The following STAT2 variants were observed in gnomAD, a reference collection of about 807,000 sequenced individuals.
STAT2 encodes interferon alpha induced transcriptional activator.
A neutral mutation model predicts 122.3 loss-of-function variants in STAT2; 51 were observed. The observed-to-expected ratio is 0.42, with a 90% CI of 0.33 to 0.53. The LOEUF is 0.53. STAT2 is among the 20% of genes least tolerant of loss of function. The pLI is 0.10. For missense variants in STAT2, 736 were observed against 1,010.3 expected (o/e 0.73, Z 3.68); for synonymous variants, 351 against 394.9 (o/e 0.89, Z 1.32).
At position 56,346,617 on chromosome 12, in the gene STAT2, C is replaced by T. The variant is rs1415803322; in HGVS notation, c.1869G>A (p.Val623=). Residue 623 remains valine, a synonymous_variant, in exon 21 of 24, where the codon GTG becomes GTA. Coordinates refer to ENST00000314128, the MANE Select transcript of STAT2 (RefSeq NM_005419.4). ...SWVEHQDDDK[V]LIYSVQPYTK... The stretch of plus-strand genomic sequence containing the variant: ...TGTACGGTTGCACAGAGTAGATGAG[C>T]ACCTTGTCTGGAGAGTGAATGCAGG... 1.2e-6 allele frequency: 2 copies of T among 1,614,106 alleles called. No individual in the cohort carries two copies. Among genetic ancestry groups the T allele is most frequent in the African/African-American group, 2.7e-5 (2 of 75,040 alleles).
At position 56,350,900 on chromosome 12, in the gene STAT2, A is replaced by G. The variant is rs1438244638; in HGVS notation, c.1035-12T>C. ...GTCTCACCAGCAGCCTGGGGGAAGG[A>G]AGGGGGATAGGGGAAAGTGGTCAAC... On this transcript the variant is annotated splice_polypyrimidine_tract_variant and intron_variant, in intron 10 of 23. Coordinates refer to ENST00000314128, the MANE Select transcript of STAT2 (RefSeq NM_005419.4). 6.2e-7 allele frequency: 1 copy of G among 1,614,094 alleles called. No homozygotes were observed. The highest frequency in any genetic ancestry group is 2.2e-5 in the East Asian group (1 of 44,878).
At chr12:56,350,050 AAAAAAT>A (rs1878208812) in intron 13 of STAT2, 41 bp downstream of exon 13, 1 of 1,544,824 alleles carries the variant, frequency 6.5e-7, no homozygotes, top group African/African-American at 1.4e-5. Context: ...CTCCGTCTCA[AAAAAAT>A]AAAAATAGTA....
Position 56,343,243 on chromosome 12 carries a change from C to A in STAT2, c.*146G>T. 1 of 1,105,424 alleles carries A rather than the reference C, an allele frequency of 9.0e-7. No individual in the cohort carries two copies. The highest frequency in any genetic ancestry group is 1.3e-6 in the Non-Finnish European group (1 of 782,190). The allele number at this position is 1,105,424 out of a possible 1,614,324, so 68.5% of individuals were successfully genotyped here. A position where few individuals can be genotyped will look rare whatever the true frequency, so the allele number is the denominator to read the frequency against. On this transcript the variant is annotated 3_prime_UTR_variant, in exon 24 of 24. Coordinates refer to ENST00000314128, the MANE Select transcript of STAT2 (RefSeq NM_005419.4). Reference sequence around the variant, plus strand: ...CCCATGTTATGCTTTCACCTCTCACCCCAATGGAGTCACACAGGCCTGAGT... The same window carrying A: ...CCCATGTTATGCTTTCACCTCTCACACCAATGGAGTCACACAGGCCTGAGT...
rs1394437712 is a variant in STAT2 at position 56,350,440 on chromosome 12, G to C, written c.1095-8C>G. 1 of 1,602,822 alleles carries C rather than the reference G, an allele frequency of 6.2e-7. No homozygotes were observed. Reference sequence around the variant, plus strand: ...TGTAATTGAGGAGGATTCCTGAAAAGAAATAAATTTAAAAAAATCATTGGG... The same window carrying C: ...TGTAATTGAGGAGGATTCCTGAAAACAAATAAATTTAAAAAAATCATTGGG... On this transcript the variant is annotated splice_polypyrimidine_tract_variant and splice_region_variant and intron_variant, in intron 11 of 23. Coordinates refer to ENST00000314128, the MANE Select transcript of STAT2 (RefSeq NM_005419.4).
Position 56,346,745 on chromosome 12 carries a change from G to A in STAT2, c.1861+74C>T, listed in dbSNP as rs950848496. On this transcript the variant is annotated intron_variant, in intron 20 of 23. Coordinates refer to ENST00000314128, the MANE Select transcript of STAT2 (RefSeq NM_005419.4). ...TTCAGTTCAGAGCCAGGGAAGCCAAGGGCAGGCAGAGGGGCAAGAGGGGAG... is the reference window on the plus strand; with the variant it reads ...TTCAGTTCAGAGCCAGGGAAGCCAAAGGCAGGCAGAGGGGCAAGAGGGGAG... The A allele has an allele frequency of 3.1e-6, 5 of 1,607,774 alleles. 1 individual carries two copies. Among genetic ancestry groups the A allele is most frequent in the Admixed American group, 1.7e-5 (1 of 59,740 alleles).
intron 22 of STAT2, 47 bp from the exon 23 acceptor site, chr12:56,344,182 T>C: frequency 6.6e-7 from 1 of 1,520,450 alleles, no homozygotes; most frequent in East Asian, 2.5e-5. Context: ...GTGGTTCAAA[T>C]GAAATCAGGA....
At chr12:56,356,336 C>A in intron 2 of STAT2, 51 bp from the exon 3 acceptor site, 8 of 1,606,018 alleles carry the variant, frequency 5.0e-6, no homozygotes, top group Non-Finnish European at 6.8e-6. Context: ...TTACTGTAGT[C>A]CTGAGGCTTT....
At chr12:56,348,460 G>T in intron 19 of STAT2, 69 bp downstream of exon 19, 1 of 1,515,778 alleles carries the variant, frequency 6.6e-7, no homozygotes, top group Non-Finnish European at 9.2e-7. Context: ...TGCCACGTGA[G>T]GGTGCAGAGA....
Position 56,351,125 on chromosome 12 carries a change from G to A in STAT2, c.1007C>T (p.Thr336Ile). ...QTPHRPLILK[T>I]GSKFTVRTRL... Reference sequence around the variant, plus strand: ...TGTTCGGACGGTGAACTTGCTGCCAGTCTTGAGGATGAGGGGTCGATGGGG... The same window carrying A: ...TGTTCGGACGGTGAACTTGCTGCCAATCTTGAGGATGAGGGGTCGATGGGG... The change falls in exon 10 of 24, where the codon ACT becomes ATT. Residue 336 changes from threonine (T) to isoleucine (I), a missense_variant. Physicochemically the swap from Thr to Ile is moderately conservative, Grantham distance 89. Transcript: ENST00000314128. 1 of 1,614,134 alleles carries A rather than the reference G, an allele frequency of 6.2e-7. No individual in the cohort carries two copies. Among genetic ancestry groups the A allele is most frequent in the Non-Finnish European group, 8.5e-7 (1 of 1,180,010 alleles).
chr12:56,352,963 G>GGAGTAGCTA (rs1565656148), intron 8 of STAT2, among the ~76,000 whole-genome samples: 2 of 152,014 alleles, frequency 1.3e-5, no homozygotes, highest in Admixed American at 1.3e-4. Context: ...AGGGACTACA[G>GGAGTAGCTA]GCGTGTGCCA....
chr12:56,355,829 G>T, intron 3 of STAT2, 26 bp from the exon 4 acceptor site: 1 of 1,603,404 alleles, frequency 6.2e-7, no homozygotes, highest in South Asian at 1.1e-5. Context: ...AGAAAGGATT[G>T]ATCCAATTCA....
intron 8 of STAT2, among the ~76,000 whole-genome samples, chr12:56,352,937 A>G (rs556266548): frequency 6.6e-6 from 1 of 151,846 alleles, no homozygotes; most frequent in African/African-American, 2.4e-5. Flanking sequence ...CTCCCACCTC[A>G]GCCTCCTGAG....
At chr12:56,354,016 A>AATATATATATATATATATATATAT (rs1555171512) in intron 8 of STAT2, among the ~76,000 whole-genome samples, 5 of 16,686 alleles carry the variant, frequency 3.0e-4, no homozygotes, top group Non-Finnish European at 3.2e-4. Flanking sequence ...AAAAAAAAAA[A>AATATATATATATATATATATATAT]ATATATATAT....
chr12:56,354,715 G>T, intron 7 of STAT2, 63 bp downstream of exon 7: 1 of 1,612,938 alleles, frequency 6.2e-7, no homozygotes, highest in Admixed American at 1.7e-5. Flanking sequence ...GAGGACCAGG[G>T]TCCCCACATC....
chr12:56,343,534 A>AGGT lies in STAT2; in HGVS notation c.2414-6_2414-4dup, dbSNP rs1221063945. On this transcript the variant is annotated splice_polypyrimidine_tract_variant and splice_region_variant and intron_variant, in intron 23 of 23. Transcript: ENST00000314128. ...AATCTTTACACAGTTTCTGAAGACTAGGTAATCCAGAGAGAAAAGTGAGGC... is the reference window on the plus strand; with the variant it reads ...AATCTTTACACAGTTTCTGAAGACTAGGTGGTAATCCAGAGAGAAAAGTGAGGC... 1 of 1,612,804 alleles carries AGGT rather than the reference A, an allele frequency of 6.2e-7. No homozygotes were observed. Among genetic ancestry groups the AGGT allele is most frequent in the South Asian group, 1.1e-5 (1 of 90,984 alleles).
intron 8 of STAT2, among the ~76,000 whole-genome samples, chr12:56,354,040 T>TATATATATATATATATATATATAA (rs1157971570): frequency 1.9e-5 from 1 of 53,344 alleles, no homozygotes; most frequent in African/African-American, 5.4e-5. Flanking sequence ...TATATATATA[T>TATATATATATATATATATATATAA]AAAAAATACT....
At chr12:56,351,476 G>A (rs1252352642) in intron 8 of STAT2, 26 bp from the exon 9 acceptor site, 3 of 1,606,244 alleles carry the variant, frequency 1.9e-6, no homozygotes, top group African/African-American at 2.7e-5. Flanking sequence ...CAGGAAGAAG[G>A]AATCCATGAG....
Position 56,356,218 on chromosome 12 carries a change from G to C in STAT2, c.199C>G (p.Leu67Val). 1 of 1,613,844 alleles carries C rather than the reference G, an allele frequency of 6.2e-7. No homozygotes were observed. Among genetic ancestry groups the C allele is most frequent in the African/African-American group, 1.3e-5 (1 of 75,052 alleles). Residue 67 changes from leucine (L) to valine (V), a missense_variant, in exon 3 of 24, where the codon CTG becomes GTG. By Grantham distance (32) the Leu-to-Val change is conservative (BLOSUM62 1). Transcript: ENST00000314128. ...TMLFFHFLDQ[L>V]NYECGRCSQD... Reference sequence around the variant, plus strand: ...CTGCAACGGCCACACTCATAGTTCAGCTGATCCAAGAAGTGGAAGAATAGC... The same window carrying C: ...CTGCAACGGCCACACTCATAGTTCACCTGATCCAAGAAGTGGAAGAATAGC...
At chr12:56,344,696 C>G (rs543169641) in intron 22 of STAT2, among the ~76,000 whole-genome samples, 40 of 152,204 alleles carry the variant, frequency 2.6e-4, no homozygotes, top group African/African-American at 9.6e-4. Flanking sequence ...CATGGTGAAA[C>G]CCTGTTTCTA....
Sources: allele counts gnomAD v4.1 joint callset (sites outside exome capture counted in the v4.1 genomes callset), GRCh38; gene constraint gnomAD v4.1.1; transcripts MANE v1.5; gene names NCBI Gene and HGNC (gene_info 2026-07-23, HGNC 2026-07-21).